GPR161: variants seen among roughly 807,000 people sequenced by gnomAD.
The protein encoded by GPR161 is G-protein coupled receptor RE2.
In GPR161, 25 loss-of-function variants were observed where a neutral mutation model predicts 39.2. The observed-to-expected ratio is 0.64, with a 90% confidence interval of 0.47 to 0.89. The LOEUF is 0.89. GPR161 is among the 40% of genes least tolerant of loss of function. The pLI is 0.00. For synonymous variants in GPR161, 286 were observed against 276.6 expected (o/e 1.03, Z -0.34); for missense variants, 547 against 677.8 (o/e 0.81, Z 2.14).
At chr1:168,135,130 G>C (rs946337241) in intron 1 of GPR161, 13 of 1,393,296 alleles carry the variant, frequency 9.3e-6, no homozygotes, top group South Asian at 8.9e-5. Context: ...CTCTATTCTT[G>C]ATGTTATGGC....
chr1:168,113,244 C>G (rs1697366654), intron 1 of GPR161, among the ~76,000 whole-genome samples: 1 of 152,200 alleles, frequency 6.6e-6, no homozygotes, highest in South Asian at 2.1e-4. Context: ...AGAACTCCCA[C>G]ACTCACTACA....
chr1:168,135,184 ACCT>A, intron 1 of GPR161: 1 of 1,043,734 alleles, frequency 9.6e-7, no homozygotes, highest in Non-Finnish European at 1.3e-6. Flanking sequence ...TAAAGAACTC[ACCT>A]GTGTGCCATC....
intron 1 of GPR161, among the ~76,000 whole-genome samples, chr1:168,110,031 A>C (rs1011483334): frequency 2.6e-4 from 40 of 152,186 alleles, no homozygotes; most frequent in Admixed American, 2.2e-3. Flanking sequence ...CAAGTTAATA[A>C]ACCCATGTAA....
rs542671810 is a variant in GPR161 at position 168,095,655 on chromosome 1, T to C, written c.1099+853A>G. Among the ~76,000 whole-genome samples the C allele has an allele frequency of 3.3e-5, 5 of 152,024 alleles. No individual in the cohort carries two copies. The South Asian group carries it at 1.0e-3, about 32-fold the overall frequency. Reference sequence around the variant, plus strand: ...GAGGTTTGGCATGGACACCCCCGGATTGTCTGGGACCATCTGAGGAGATCA... The same window carrying C: ...GAGGTTTGGCATGGACACCCCCGGACTGTCTGGGACCATCTGAGGAGATCA... On this transcript the variant is annotated intron_variant, in intron 3 of 5. Coordinates refer to ENST00000682931, the MANE Select transcript of GPR161 (RefSeq NM_001375883.1).
At chr1:168,119,624 G>A (rs1170095774) in intron 1 of GPR161, among the ~76,000 whole-genome samples, 1 of 152,096 alleles carries the variant, frequency 6.6e-6, no homozygotes, top group Non-Finnish European at 1.5e-5. Flanking sequence ...CCACTCAACT[G>A]TGCACTTAAA....
At chr1:168,093,629 T>G (rs1695259402) in intron 3 of GPR161, among the ~76,000 whole-genome samples, 1 of 152,224 alleles carries the variant, frequency 6.6e-6, no homozygotes. Flanking sequence ...CTGAGACAGA[T>G]CAGATCATCC....
At chr1:168,095,766 G>C (rs1695464388) in intron 3 of GPR161, among the ~76,000 whole-genome samples, 1 of 152,176 alleles carries the variant, frequency 6.6e-6, no homozygotes, top group Admixed American at 6.5e-5. Context: ...AAACACTGAA[G>C]GAAAGGATGT....
chr1:168,136,677 G>C, intron 1 of GPR161, 62 bp downstream of exon 1: 2 of 1,144,808 alleles, frequency 1.7e-6, no homozygotes, highest in South Asian at 4.3e-5. Context: ...AGTTTAGCCT[G>C]GCTCCATCCG....
At chr1:168,122,183 C>T (rs1225697834) in intron 1 of GPR161, among the ~76,000 whole-genome samples, 2 of 152,092 alleles carry the variant, frequency 1.3e-5, no homozygotes, top group African/African-American at 2.4e-5. Flanking sequence ...CCTCATTCCA[C>T]GCGTGCCATC....
Position 168,085,630 on chromosome 1 carries a change from G to A in GPR161, c.1491C>T (p.Gly497=), listed in dbSNP as rs373775972. 2,305 of 1,613,926 alleles carry A rather than the reference G, an allele frequency of 1.4e-3. 49 individuals carry two copies. In the South Asian group the frequency reaches 0.022, roughly 16 times the overall value. ...VLVTARTVPG[G]GFGGRRGSRT... is the part of the protein sequence containing the mutation. The stretch of plus-strand genomic sequence containing the variant: ...TGCTGCCTCGGCGGCCCCCGAAGCC[G>A]CCCCCCGGGACAGTCCGTGCTGTAA... Residue 497 remains glycine, a synonymous_variant, in exon 6 of 6, where the codon GGC becomes GGT. Coordinates refer to ENST00000682931, the MANE Select transcript of GPR161 (RefSeq NM_001375883.1).
chr1:168,111,274 A>C (rs1441758400), intron 1 of GPR161, among the ~76,000 whole-genome samples: 1 of 152,102 alleles, frequency 6.6e-6, no homozygotes, highest in East Asian at 1.9e-4. Context: ...CTGGTGTCCA[A>C]CCCTCCTCCA....
chr1:168,117,565 T>G (rs553012808), intron 1 of GPR161, among the ~76,000 whole-genome samples: 1 of 151,998 alleles, frequency 6.6e-6, no homozygotes, highest in Non-Finnish European at 1.5e-5. Flanking sequence ...CCTCATAGGG[T>G]TGGTGGTAGG....
In GPR161 at chr1:168,102,258, C is replaced by T. The variant is rs79341464; in HGVS notation, c.374+2219G>A. Among the ~76,000 whole-genome samples the T allele has an allele frequency of 2.0e-3, 310 of 152,368 alleles. 2 individuals are homozygous for T. Among genetic ancestry groups the T allele is most frequent in the African/African-American group, 7.3e-3 (303 of 41,584 alleles). ...TCTCCACCTGTTACGTACCTGCTAT[C>T]CTACTTGCTGTTTAGGAACCTAGCT... On this transcript the variant is annotated intron_variant, in intron 2 of 5. Transcript: ENST00000682931.
rs181631923 is a variant in GPR161 at position 168,079,993 on chromosome 1, G to A, written c.*5538C>T. 28 of 152,282 alleles carry A rather than the reference G, an allele frequency of 1.8e-4. No homozygotes were observed. The East Asian group carries it at 5.4e-3, about 29-fold the overall frequency. 9.4% of individuals were successfully genotyped at this position (152,282 alleles called of 1,614,324 possible). A position where few individuals can be genotyped will look rare whatever the true frequency, so the allele number is the denominator to read the frequency against. ...ATGCTTGCTGAGAGAAATGAACATAGCTTTGTGTATTGCATTCTAAAAATA... is the reference window on the plus strand; with the variant it reads ...ATGCTTGCTGAGAGAAATGAACATAACTTTGTGTATTGCATTCTAAAAATA... On this transcript the variant is annotated 3_prime_UTR_variant, in exon 6 of 6. Coordinates refer to ENST00000682931, the MANE Select transcript of GPR161 (RefSeq NM_001375883.1).
intron 1 of GPR161, among the ~76,000 whole-genome samples, chr1:168,115,774 G>GA (rs999777335): frequency 2.0e-5 from 3 of 151,460 alleles, no homozygotes; most frequent in African/African-American, 7.3e-5. Flanking sequence ...CTGCTCCAGA[G>GA]AAAATTTTTT....
At chr1:168,134,850 C>G (rs999328009) in intron 1 of GPR161, 1 of 1,484,414 alleles carries the variant, frequency 6.7e-7, no homozygotes, top group Non-Finnish European at 9.1e-7. Flanking sequence ...GCCTCCTGCA[C>G]TCAGGCTTCC....
chr1:168,091,491 G>A (rs955551116), intron 3 of GPR161, among the ~76,000 whole-genome samples: 2 of 152,174 alleles, frequency 1.3e-5, no homozygotes, highest in African/African-American at 4.8e-5. Flanking sequence ...CTGAGAGTCA[G>A]GTGCCTGTGA....
At chr1:168,111,602 C>G (rs1452066856) in intron 1 of GPR161, among the ~76,000 whole-genome samples, 7 of 152,318 alleles carry the variant, frequency 4.6e-5, no homozygotes, top group South Asian at 4.1e-4. Context: ...AAAAGAAAGG[C>G]TGGTCCTTGG....
chr1:168,137,276 A>C, upstream of GPR161: 3 of 1,501,882 alleles, frequency 2.0e-6, no homozygotes, highest in Non-Finnish European at 2.7e-6. Context: ...CGCCTTTTCC[A>C]TGTCTCTCTC....
Sources: allele counts gnomAD v4.1 joint callset (sites outside exome capture counted in the v4.1 genomes callset), GRCh38; gene constraint gnomAD v4.1.1; transcripts MANE v1.5; gene names NCBI Gene and HGNC (gene_info 2026-07-23, HGNC 2026-07-21).